SAMD12: variants seen among roughly 807,000 people sequenced by gnomAD.
The protein encoded by SAMD12 is sterile alpha motif domain-containing protein 12.
SAMD12 carries 9 observed loss-of-function variants against 15.0 expected under a neutral mutation model. The observed-to-expected ratio is 0.60, with a 90% CI of 0.36 to 1.05. The LOEUF is 1.05. Ranked by LOEUF, SAMD12 falls within the 50% of genes least tolerant of loss-of-function variation. The pLI, the probability that SAMD12 is intolerant of heterozygous loss-of-function variation, is 0.01. For synonymous variants in SAMD12, 86 were observed against 90.1 expected (o/e 0.96, Z 0.25); for missense variants, 230 against 234.2 (o/e 0.98, Z 0.12).
At chr8:118,542,601 C>T (rs1247767850) in intron 2 of SAMD12, among the ~76,000 whole-genome samples, 1 of 152,074 alleles carries the variant, frequency 6.6e-6, no homozygotes, top group Non-Finnish European at 1.5e-5. Flanking sequence ...CTTCCAGAAC[C>T]AAGAAACTAG....
At chr8:118,298,267 G>T (rs1356184733) in intron 4 of SAMD12, among the ~76,000 whole-genome samples, 1 of 152,164 alleles carries the variant, frequency 6.6e-6, no homozygotes, top group Non-Finnish European at 1.5e-5. Flanking sequence ...ACAACTTTAT[G>T]CATTGTGTTT....
rs114898447 is a variant in SAMD12, at chr8:118,349,175, C to T, written c.433+30385G>A. Reference sequence around the variant, plus strand: ...AGATGCCAAATTGAAAAATGACAAACTGCCACTAGAATAAGCCAATTTTTA... The same window carrying T: ...AGATGCCAAATTGAAAAATGACAAATTGCCACTAGAATAAGCCAATTTTTA... On this transcript the variant is annotated intron_variant, in intron 4 of 4. Coordinates refer to the SAMD12 transcript ENST00000409003. 5.5e-3 allele frequency among the ~76,000 whole-genome samples: 840 copies of T among 152,308 alleles called. 6 individuals are homozygous for T. The highest frequency in any genetic ancestry group is 0.019 in the African/African-American group (793 of 41,558).
chr8:118,180,764 G>GCTCAAAATCCTGGGC, the SAMD12 span, among the ~76,000 whole-genome samples: 849 of 152,204 alleles, frequency 5.6e-3, 6 homozygotes, highest in Middle Eastern at 0.01. Flanking sequence ...GTTTCGTCAA[G>GCTCAAAATCCTGGGC]TTGCCCAGAC....
intron 4 of SAMD12, among the ~76,000 whole-genome samples, chr8:118,362,167 C>T (rs1818534043): frequency 6.6e-6 from 1 of 151,952 alleles, no homozygotes; most frequent in South Asian, 2.1e-4. Context: ...AACAGGGAAG[C>T]ACAAAAGGTA....
chr8:118,147,047 CAG>C, the SAMD12 span, among the ~76,000 whole-genome samples: 2 of 149,962 alleles, frequency 1.3e-5, no homozygotes, highest in Non-Finnish European at 3.0e-5. Flanking sequence ...TTTTTTGAGA[CAG>C]AGTCTCATTC....
At chr8:118,501,492 T>C (rs951512696) in intron 2 of SAMD12, among the ~76,000 whole-genome samples, 3 of 152,172 alleles carry the variant, frequency 2.0e-5, no homozygotes. Flanking sequence ...AAATGTCTCA[T>C]CTCCAAGAGA....
intron 4 of SAMD12, among the ~76,000 whole-genome samples, chr8:118,297,200 T>A (rs1367611916): frequency 6.6e-6 from 1 of 152,220 alleles, no homozygotes; most frequent in African/African-American, 2.4e-5. Flanking sequence ...TTCATCCATG[T>A]TCACCATGGC....
chr8:118,590,233 A>G (rs574272632), intron 1 of SAMD12, among the ~76,000 whole-genome samples: 2 of 152,354 alleles, frequency 1.3e-5, no homozygotes, highest in Admixed American at 6.5e-5. Flanking sequence ...CATTACAGAA[A>G]AGAAATGTGA....
At chr8:118,571,259 A>T (rs904181309) in intron 2 of SAMD12, among the ~76,000 whole-genome samples, 49 of 152,206 alleles carry the variant, frequency 3.2e-4, no homozygotes, top group African/African-American at 1.1e-3. Flanking sequence ...AGAAGAAGGC[A>T]GGAAAATGTG....
At chr8:118,182,612 A>G in the SAMD12 span, among the ~76,000 whole-genome samples, 2 of 152,222 alleles carry the variant, frequency 1.3e-5, no homozygotes, top group Non-Finnish European at 2.9e-5. Context: ...TTATGAATAA[A>G]TAAAAGCTCT....
At chr8:118,229,029 T>C (rs899495415) in intron 4 of SAMD12, among the ~76,000 whole-genome samples, 2 of 152,044 alleles carry the variant, frequency 1.3e-5, no homozygotes, top group Non-Finnish European at 2.9e-5. Flanking sequence ...AAGTGAAGTA[T>C]GGAAATGGAA....
At chr8:118,304,061 T>G (rs1815183344) in intron 4 of SAMD12, among the ~76,000 whole-genome samples, 1 of 152,196 alleles carries the variant, frequency 6.6e-6, no homozygotes, top group Non-Finnish European at 1.5e-5. Context: ...GTCTTCATCC[T>G]TCAAAGGATG....
chr8:118,152,745 C>T, the SAMD12 span, among the ~76,000 whole-genome samples: 13 of 152,122 alleles, frequency 8.5e-5, no homozygotes, highest in Admixed American at 1.3e-4. Context: ...GCAGTTCACC[C>T]CCCTCGGCCT....
the SAMD12 span, among the ~76,000 whole-genome samples, chr8:118,178,271 G>C: frequency 6.6e-6 from 1 of 152,068 alleles, no homozygotes; most frequent in Non-Finnish European, 1.5e-5. Flanking sequence ...GCCAAGCAAC[G>C]TTTTGTTCAA....
At chr8:118,548,608 C>G (rs752869614) in intron 2 of SAMD12, among the ~76,000 whole-genome samples, 1 of 152,094 alleles carries the variant, frequency 6.6e-6, no homozygotes, top group Non-Finnish European at 1.5e-5. Context: ...ACGCAGAAGA[C>G]GGGTGATTTC....
chr8:118,543,933 T>C (rs1298906821), intron 2 of SAMD12, among the ~76,000 whole-genome samples: 1 of 152,140 alleles, frequency 6.6e-6, no homozygotes, highest in Non-Finnish European at 1.5e-5. Context: ...AAATGAATCT[T>C]ACCCAATTAT....
chr8:118,390,180 T>C (rs1820194139), intron 3 of SAMD12, among the ~76,000 whole-genome samples: 1 of 151,304 alleles, frequency 6.6e-6, no homozygotes, highest in South Asian at 2.1e-4. Flanking sequence ...ATAATGTTTT[T>C]GTATTTTTTA....
At chr8:118,530,704 A>G (rs1258361597) in intron 2 of SAMD12, among the ~76,000 whole-genome samples, 1 of 152,186 alleles carries the variant, frequency 6.6e-6, no homozygotes. Context: ...TTTTCATTCA[A>G]TTAAGTCCCA....
At chr8:118,548,155 C>T (rs1826185144) in intron 2 of SAMD12, among the ~76,000 whole-genome samples, 1 of 152,108 alleles carries the variant, frequency 6.6e-6, no homozygotes. Context: ...GCCTCAAGTT[C>T]CCATGTTAGT....
Sources: allele counts gnomAD v4.1 joint callset (sites outside exome capture counted in the v4.1 genomes callset), GRCh38; gene constraint gnomAD v4.1.1; transcripts MANE v1.5; gene names NCBI Gene and HGNC (gene_info 2026-07-23, HGNC 2026-07-21).